NRAP: variants seen among roughly 807,000 people sequenced by gnomAD.
The protein encoded by NRAP is nebulin related anchoring protein, also known as nebulin-related-anchoring protein.
A neutral mutation model predicts 225.9 loss-of-function variants in NRAP; 189 were observed. The ratio of observed to expected loss-of-function variants is 0.84; its 90% CI spans 0.74 to 0.94. NRAP has a LOEUF of 0.94. NRAP is among the 40% of genes least tolerant of loss of function. The pLI, the probability that NRAP is intolerant of heterozygous loss-of-function variation, is 0.00. For missense variants in NRAP, 2,176 were observed against 2,168.7 expected (o/e 1.00, Z -0.07); for synonymous variants, 769 against 790.7 (o/e 0.97, Z 0.46).
chr10:113,590,829 C>A lies in NRAP; in HGVS notation c.4705G>T (p.Asp1569Tyr). The change falls in exon 40 of 42, where the codon GAC (aspartate) becomes TAC (tyrosine). Residue 1569 changes from aspartate to tyrosine, a missense_variant. Physicochemically the swap from Asp to Tyr is radical, Grantham distance 160. Transcript: ENST00000359988. The part of the protein sequence containing the change: ...RGLQIGYRSV[D>Y]DDPRMKHFLN... The stretch of plus-strand genomic sequence containing the variant: ...AAATGCTTCATCCTTGGGTCATCGT[C>A]GACACTGCGGTACCCGATCTGCAGG... 6.2e-7 allele frequency: 1 copy of A among 1,614,176 alleles called. No homozygotes were observed. The highest frequency in any genetic ancestry group is 8.5e-7 in the Non-Finnish European group (1 of 1,180,040).
intron 3 of NRAP, among the ~76,000 whole-genome samples, chr10:113,658,457 C>T (rs1313577112): frequency 6.6e-6 from 1 of 152,146 alleles, no homozygotes; most frequent in Non-Finnish European, 1.5e-5. Flanking sequence ...TCAGTAACAT[C>T]TTCATAACCT....
Position 113,624,885 on chromosome 10 carries a change from TG to T in NRAP, c.2289del (p.Ile764SerfsTer42), listed in dbSNP as rs1848200839. 1.9e-6 allele frequency: 3 copies of T among 1,613,964 alleles called. No individual in the cohort carries two copies. Among genetic ancestry groups the T allele is most frequent in the Non-Finnish European group, 2.5e-6 (3 of 1,179,976 alleles). On this transcript the variant is annotated frameshift_variant, in exon 22 of 42. Coordinates refer to ENST00000359988, the MANE Select transcript of NRAP (RefSeq NM_198060.4). LOFTEE classifies it high-confidence loss of function. Reference protein sequence around the residue: ...AGNEQSVHQYTISKDEPLFLQ... With the variant: ...AGNEQSVHQYXISKDEPLFLQ... ...AGGAAGAGAGGCTCGTCTTTGCTGA[TG>T]GTATACTGATGGACAGACTGCTCAT...
intron 16 of NRAP, among the ~76,000 whole-genome samples, chr10:113,632,174 A>G (rs925394549): frequency 1.3e-5 from 2 of 152,246 alleles, no homozygotes; most frequent in African/African-American, 4.8e-5. Context: ...AATAGGACAA[A>G]GAGAAGCCCC....
intron 35 of NRAP, among the ~76,000 whole-genome samples, chr10:113,603,673 C>T (rs1044131402): frequency 3.3e-5 from 5 of 152,180 alleles, no homozygotes; most frequent in African/African-American, 1.2e-4. Context: ...TCCATCCCCA[C>T]TCACTCGGCC....
intron 2 of NRAP, 149 bp from the exon 3 acceptor site, chr10:113,662,915 G>T: frequency 2.1e-6 from 1 of 467,104 alleles, no homozygotes. Context: ...GATTTTCCAG[G>T]CAATGCATCT....
rs116457997 is a variant in NRAP, at chr10:113,663,501, G to A, written c.73-55C>T. On this transcript the variant is annotated intron_variant, in intron 1 of 41. Transcript: ENST00000359988. ...TTACCCTTTTCCCCCCAGACTCAAG[G>A]TTCTTATATATTTTAGGGTAAAAAA... 6.7e-4 allele frequency: 737 copies of A among 1,105,906 alleles called. 3 individuals are homozygous for A. The African/African-American group carries it at 0.01, about 15-fold the overall frequency. The allele number at this position is 1,105,906 out of a possible 1,614,324, so 68.5% of individuals were successfully genotyped here.
At chr10:113,595,538 T>C in intron 38 of NRAP, 85 bp downstream of exon 38, 1 of 827,436 alleles carries the variant, frequency 1.2e-6, no homozygotes. Flanking sequence ...CTAGAACTTT[T>C]TTTTTTAAAA....
intron 25 of NRAP, 27 bp from the exon 26 acceptor site, chr10:113,617,580 G>C (rs1018712608): frequency 7.4e-7 from 1 of 1,352,754 alleles, no homozygotes; most frequent in African/African-American, 1.4e-5. Flanking sequence ...GATCAAAGCT[G>C]TGAATTTTGT....
In NRAP at chr10:113,614,881, A is replaced by T; in HGVS notation, c.3144T>A (p.Leu1048=). ...DGGYKLRLDA[L]PFQAAKASGE... ...CAGAAGCCTTTGCTGCTTGGAATGG[A>T]AGGGCATCCAACCTCAGTTTATAGC... Residue 1048 remains leucine, a synonymous_variant, in exon 28 of 42, where the codon CTT becomes CTA. Transcript: ENST00000359988. 6.2e-7 allele frequency: 1 copy of T among 1,612,846 alleles called. No individual in the cohort carries two copies. Among genetic ancestry groups the T allele is most frequent in the Non-Finnish European group, 8.5e-7 (1 of 1,178,812 alleles).
At chr10:113,656,289 C>T (rs1850303166) in intron 4 of NRAP, among the ~76,000 whole-genome samples, 1 of 152,180 alleles carries the variant, frequency 6.6e-6, no homozygotes, top group Non-Finnish European at 1.5e-5. Context: ...AATCAGAAAA[C>T]TTTAAATCTA....
chr10:113,659,462 A>T (rs540222307), intron 3 of NRAP, among the ~76,000 whole-genome samples: 1 of 152,332 alleles, frequency 6.6e-6, no homozygotes, highest in South Asian at 2.1e-4. Flanking sequence ...CAAAATAGAT[A>T]TTCTGTCCAC....
In NRAP at chr10:113,622,006, C is replaced by T. The variant is rs759489224; in HGVS notation, c.2632G>A (p.Val878Ile). Residue 878 changes from valine to isoleucine, a missense_variant, in exon 24 of 42, where the codon GTC (valine) becomes ATC (isoleucine). Coordinates refer to ENST00000359988, the MANE Select transcript of NRAP (RefSeq NM_198060.4). ...KSQCHVSLDM[V>I]HLVHARKAQH... ...GCTTTGCGGGCATGCACGAGGTGGA[C>T]CATGTCCAGGGAGACGTGGCATTGG... 1 of 1,614,102 alleles carries T rather than the reference C, an allele frequency of 6.2e-7. No individual in the cohort carries two copies. Among genetic ancestry groups the T allele is most frequent in the Non-Finnish European group, 8.5e-7 (1 of 1,180,038 alleles).
At chr10:113,590,332 G>A (rs1056784836) in intron 40 of NRAP, among the ~76,000 whole-genome samples, 1 of 152,206 alleles carries the variant, frequency 6.6e-6, no homozygotes, top group African/African-American at 2.4e-5. Context: ...AAGCAGCCCT[G>A]GGGTTGGCAT....
chr10:113,651,623 AG>A, intron 7 of NRAP, among the ~76,000 whole-genome samples, 179 bp downstream of exon 7: 1 of 152,266 alleles, frequency 6.6e-6, no homozygotes, highest in South Asian at 2.1e-4. Context: ...TAGTCTGCTG[AG>A]GATAATGGCC....
chr10:113,589,338 G>A lies in NRAP; in HGVS notation c.5089-259C>T, dbSNP rs566230927. 5.3e-5 allele frequency: 30 copies of A among 568,750 alleles called. No homozygotes were observed. The East Asian group carries it at 6.0e-4, about 11-fold the overall frequency. 35.2% of individuals were successfully genotyped at this position (568,750 alleles called of 1,614,324 possible). On this transcript the variant is annotated intron_variant, in intron 41 of 41. Coordinates refer to ENST00000359988, the MANE Select transcript of NRAP (RefSeq NM_198060.4). ...CAAAATGCAGACTGTCATATCCAGC[G>A]AGTCCCTGACCCTTTCTGCGAATGT...
At chr10:113,620,498 C>A in intron 25 of NRAP, 106 bp downstream of exon 25, 1 of 820,186 alleles carries the variant, frequency 1.2e-6, no homozygotes, top group Non-Finnish European at 2.0e-6. Context: ...TTTCATGTGG[C>A]TTTGCCTTTT....
In NRAP at chr10:113,612,233, C is replaced by A. The variant is rs111414181; in HGVS notation, c.3498+1G>T. 1.2e-6 allele frequency: 2 copies of A among 1,613,862 alleles called. No homozygotes were observed. The highest frequency in any genetic ancestry group is 1.7e-6 in the Non-Finnish European group (2 of 1,179,806). On this transcript the variant is annotated splice_donor_variant, in intron 30 of 41. Coordinates refer to ENST00000359988, the MANE Select transcript of NRAP (RefSeq NM_198060.4). LOFTEE classifies it high-confidence loss of function. ...CTGAGAAAGAGGCCAGGTCTCCTTA[C>A]CTCACTCTGCAATTTGTGAGCTTTC...
In NRAP at chr10:113,615,698, T is replaced by G; in HGVS notation, c.3078+14A>C. Reference sequence around the variant, plus strand: ...TCCCGTCATTAAAACTCGTGCCCCTTGGGTCAGCCTCACCTCACTGATATT... The same window carrying G: ...TCCCGTCATTAAAACTCGTGCCCCTGGGGTCAGCCTCACCTCACTGATATT... On this transcript the variant is annotated intron_variant, in intron 27 of 41. Transcript: ENST00000359988. 6.7e-7 allele frequency: 1 copy of G among 1,498,142 alleles called. No homozygotes were observed. The highest frequency in any genetic ancestry group is 9.3e-7 in the Non-Finnish European group (1 of 1,074,284). 92.8% of individuals were successfully genotyped at this position (1,498,142 alleles called of 1,614,324 possible). A position where few individuals can be genotyped will look rare whatever the true frequency, so the allele number is the denominator to read the frequency against.
chr10:113,631,870 T>C lies in NRAP; in HGVS notation c.1727A>G (p.Glu576Gly), dbSNP rs1318227712. 52 of 1,608,936 alleles carry C rather than the reference T, an allele frequency of 3.2e-5. No individual in the cohort carries two copies. The highest frequency in any genetic ancestry group is 3.6e-5 in the Non-Finnish European group (42 of 1,175,446). Reference sequence around the variant, plus strand: ...GAGGAAACGTACATTGCTAGCAAGCTCCCCAGAGGCTTTGGCGGCCAGCAG... The same window carrying C: ...GAGGAAACGTACATTGCTAGCAAGCCCCCCAGAGGCTTTGGCGGCCAGCAG... ...MSLLAAKASG[E>G]LASNIKYKEE... The change falls in exon 17 of 42, where the codon GAG becomes GGG. Residue 576 changes from glutamate to glycine, a missense_variant. Physicochemically the swap from Glu to Gly is moderately conservative, Grantham distance 98. Around this residue, in one of 3 missense-constraint regions of NRAP, gnomAD observed 1,708 missense variants for 1,695.5 expected, o/e 1.01. Transcript: ENST00000359988.
Sources: allele counts gnomAD v4.1 joint callset (sites outside exome capture counted in the v4.1 genomes callset), GRCh38; gene constraint gnomAD v4.1.1; regional missense constraint gnomAD v4.1.1; transcripts MANE v1.5; gene names NCBI Gene and HGNC (gene_info 2026-07-23, HGNC 2026-07-21).